PGBD5: variants seen among roughly 807,000 people sequenced by gnomAD.
The protein encoded by PGBD5 is piggyBac transposable element-derived protein 5.
In PGBD5, 14 loss-of-function variants were observed where a neutral mutation model predicts 47.9. The ratio of observed to expected loss-of-function variants is 0.29; its 90% CI spans 0.19 to 0.46. PGBD5 has a LOEUF of 0.46. Among genes scored for constraint, PGBD5 ranks in the 20% least tolerant of loss-of-function variants. The pLI, the probability that PGBD5 is intolerant of heterozygous loss-of-function variation, is 1.00. For missense variants in PGBD5, 635 were observed against 716.0 expected, an observed-to-expected ratio of 0.89 and a Z score of 1.29; for synonymous variants, 316 against 306.3, an observed-to-expected ratio of 1.03 and a Z score of -0.33.
chr1:230,356,652 C>T (rs541410451), intron 2 of PGBD5, among the ~76,000 whole-genome samples: 14 of 152,186 alleles, frequency 9.2e-5, no homozygotes, highest in Non-Finnish European at 1.8e-4. Flanking sequence ...CGGAAGATTG[C>T]CTCTCAGAGC....
intron 4 of PGBD5, chr1:230,336,173 T>C (rs1467389260): frequency 6.6e-6 from 1 of 152,242 alleles, no homozygotes; most frequent in East Asian, 1.9e-4. Context: ...AATTTTCTCT[T>C]GCTTTACTTT....
At chr1:230,394,569 C>A (rs12407923) in intron 1 of PGBD5, among the ~76,000 whole-genome samples, 2 of 119,636 alleles carry the variant, frequency 1.7e-5, no homozygotes, top group African/African-American at 6.8e-5. Context: ...CATTGCCCAC[C>A]CCCCTCCCCT....
At chr1:230,337,380 G>C in intron 3 of PGBD5, 92 bp from the exon 4 acceptor site, 1 of 1,253,540 alleles carries the variant, frequency 8.0e-7, no homozygotes, top group Non-Finnish European at 1.1e-6. Context: ...ATGGGTCTCA[G>C]TCATCCAGTT....
chr1:230,419,160 G>A (rs1378911354), intron 1 of PGBD5, among the ~76,000 whole-genome samples: 1 of 151,840 alleles, frequency 6.6e-6, no homozygotes, highest in Admixed American at 6.6e-5. Flanking sequence ...ATCAACCCAG[G>A]TGCCCATCAA....
chr1:230,358,927 ATGACTCTGTGTG>A (rs934401825), intron 1 of PGBD5, among the ~76,000 whole-genome samples: 1 of 152,254 alleles, frequency 6.6e-6, no homozygotes, highest in African/African-American at 2.4e-5. Context: ...TAAGTGAAGC[ATGACTCTGTGTG>A]TGTACACACA....
chr1:230,422,500 T>C (rs1418019026), intron 1 of PGBD5, among the ~76,000 whole-genome samples: 1 of 152,116 alleles, frequency 6.6e-6, no homozygotes, highest in Admixed American at 6.5e-5. Flanking sequence ...GCACTCCCAG[T>C]AGGCATTTCA....
In PGBD5 at chr1:230,372,503, T is replaced by C. The variant is rs893981439; in HGVS notation, c.332-15182A>G. On this transcript the variant is annotated intron_variant, in intron 1 of 6. Transcript: ENST00000391860. Reference sequence around the variant, plus strand: ...CCGCCATCATCCCACGAATGTTCTCTGATGTGATAAAGAGCTTGCTCCTGG... The same window carrying C: ...CCGCCATCATCCCACGAATGTTCTCCGATGTGATAAAGAGCTTGCTCCTGG... 8.5e-5 allele frequency among the ~76,000 whole-genome samples: 13 copies of C among 152,314 alleles called. No individual in the cohort carries two copies. The South Asian group carries it at 2.1e-3, about 24-fold the overall frequency.
At chr1:230,408,184 C>G (rs914370609) in intron 1 of PGBD5, among the ~76,000 whole-genome samples, 2 of 152,190 alleles carry the variant, frequency 1.3e-5, no homozygotes, top group African/African-American at 2.4e-5. Context: ...TATATCTATA[C>G]TACATTGTCA....
intron 1 of PGBD5, among the ~76,000 whole-genome samples, chr1:230,375,192 C>T (rs1008075292): frequency 2.0e-5 from 3 of 152,160 alleles, no homozygotes; most frequent in Admixed American, 2.0e-4. Flanking sequence ...AATGTCTAAT[C>T]AGGCTGAAAA....
At chr1:230,374,652 G>A (rs1231068775) in intron 1 of PGBD5, among the ~76,000 whole-genome samples, 1 of 152,080 alleles carries the variant, frequency 6.6e-6, no homozygotes, top group Non-Finnish European at 1.5e-5. Context: ...GAAATATATG[G>A]CTTTTATGAG....
At position 230,377,343 on chromosome 1, in the gene PGBD5, G is replaced by A. The variant is rs192114748; in HGVS notation, c.332-20022C>T. Among the ~76,000 whole-genome samples the A allele has an allele frequency of 3.3e-5, 5 of 152,336 alleles. No individual in the cohort carries two copies. In the East Asian group the frequency reaches 9.6e-4, roughly 29 times the overall value. On this transcript the variant is annotated intron_variant, in intron 1 of 6. Coordinates refer to ENST00000391860, the MANE Select transcript of PGBD5 (RefSeq NM_001258311.2). Reference sequence around the variant, plus strand: ...GAGCAGTGACTGTCATAGGCACAAAGAAGCAATGGCCATCCAGGTGAAATG... The same window carrying A: ...GAGCAGTGACTGTCATAGGCACAAAAAAGCAATGGCCATCCAGGTGAAATG...
intron 2 of PGBD5, among the ~76,000 whole-genome samples, chr1:230,352,665 T>C (rs1366155619): frequency 6.6e-6 from 1 of 152,174 alleles, no homozygotes; most frequent in African/African-American, 2.4e-5. Context: ...AGGGGAAGGC[T>C]GGGAGGCTGG....
At chr1:230,383,034 G>A (rs752391815) in intron 1 of PGBD5, among the ~76,000 whole-genome samples, 14 of 152,056 alleles carry the variant, frequency 9.2e-5, no homozygotes, top group East Asian at 1.9e-4. Flanking sequence ...CTGCCATCTC[G>A]CTGTCTCTGT....
At chr1:230,402,737 C>G (rs1475858546) in intron 1 of PGBD5, among the ~76,000 whole-genome samples, 2 of 152,196 alleles carry the variant, frequency 1.3e-5, no homozygotes, top group Non-Finnish European at 2.9e-5. Context: ...GTCCTTCCAC[C>G]TTGGCCTTCC....
Position 230,426,222 on chromosome 1 carries a change from G to GCGCCGCCGC in PGBD5, c.-303_-295dup, listed in dbSNP as rs1238385909. ...ACGCAGAGGCTGCGGCCGAGACCAG[G>GCGCCGCCGC]CGCCGCCGCCGCCACCGCCGCCACC... On this transcript the variant is annotated 5_prime_UTR_variant, in exon 1 of 7. Transcript: ENST00000391860. The GCGCCGCCGC allele has an allele frequency of 5.3e-5, 8 of 149,560 alleles. No individual in the cohort carries two copies. The highest frequency in any genetic ancestry group is 3.6e-4 in the South Asian group (2 of 5,622). 9.3% of individuals were successfully genotyped at this position (149,560 alleles called of 1,614,324 possible).
At chr1:230,407,968 A>T (rs886717302) in intron 1 of PGBD5, among the ~76,000 whole-genome samples, 1 of 152,188 alleles carries the variant, frequency 6.6e-6, no homozygotes, top group African/African-American at 2.4e-5. Context: ...AGTCTAGGAG[A>T]TGAAAAGAAG....
chr1:230,352,557 C>G (rs1039848846), intron 2 of PGBD5, among the ~76,000 whole-genome samples: 5 of 152,112 alleles, frequency 3.3e-5, no homozygotes, highest in African/African-American at 4.8e-5. Flanking sequence ...AAAGTGACAG[C>G]CCTGCACTGT....
chr1:230,336,638 T>G (rs1667328645), intron 4 of PGBD5, among the ~76,000 whole-genome samples: 1 of 152,190 alleles, frequency 6.6e-6, no homozygotes, highest in African/African-American at 2.4e-5. Flanking sequence ...ACCAAACACC[T>G]GAGCACCCGG....
Position 230,323,323 on chromosome 1 carries a change from G to A in PGBD5, c.*102C>T. 7.2e-6 allele frequency: 10 copies of A among 1,380,042 alleles called. No individual in the cohort carries two copies. The highest frequency in any genetic ancestry group is 9.8e-6 in the Non-Finnish European group (10 of 1,017,926). The allele number at this position is 1,380,042 out of a possible 1,614,324, so 85.5% of individuals were successfully genotyped here. On this transcript the variant is annotated 3_prime_UTR_variant, in exon 7 of 7. Transcript: ENST00000391860. The surrounding 1 kb of genome is among the most constrained non-coding windows in gnomAD (Gnocchi z 4.1). ...CCTGTGCATCCCTCCCAGGCAGCAA[G>A]CCACACACCAGGCCGTGTCCGGGTC...
Sources: gnomAD v4.1 joint callset for allele counts (sites outside exome capture counted in the v4.1 genomes callset) on GRCh38, gnomAD v4.1.1 for gene constraint, Gnocchi (gnomAD v3.1) non-coding constraint, MANE v1.5 for transcripts, NCBI Gene and HGNC (gene_info 2026-07-23, HGNC 2026-07-21) for gene names.